Variants in POLRMT observed in about 807,000 individuals in gnomAD.
POLRMT encodes RNA polymerase mitochondrial.
POLRMT carries 114 observed loss-of-function variants against 132.2 expected under a neutral mutation model. That is an observed-to-expected ratio of 0.86 (90% CI 0.74 to 1.01). The LOEUF is 1.01. Ranked by LOEUF, POLRMT falls within the 50% of genes least tolerant of loss-of-function variation. The probability of loss-of-function intolerance (pLI) is 0.00; values close to 1 mark genes in which losing one functional copy is unlikely to be tolerated. For synonymous variants in POLRMT, 1,020 were observed against 773.4 expected (o/e 1.32, Z -5.29); for missense variants, 2,003 against 1,729.1 (o/e 1.16, Z -2.81).
In POLRMT at chr19:621,996, G is replaced by C. The variant is rs1600571382; in HGVS notation, c.1852-150C>G. ...CAGAAGCCACCTCCAGAAACGGCCG[G>C]ACACCTGCATGGACACCCATGGTGT... On this transcript the variant is annotated intron_variant, in intron 9 of 20. Coordinates refer to ENST00000588649, the MANE Select transcript of POLRMT (RefSeq NM_005035.4). 3 of 1,183,810 alleles carry C rather than the reference G, an allele frequency of 2.5e-6. No homozygotes were observed. In the East Asian group the frequency reaches 7.7e-5, roughly 30 times the overall value. The allele number at this position is 1,183,810 out of a possible 1,614,324, so 73.3% of individuals were successfully genotyped here.
At position 621,233 on chromosome 19, in the gene POLRMT, C is replaced by T. The variant is rs748877796; in HGVS notation, c.2465G>A (p.Arg822Gln). Residue 822 changes from arginine (R) to glutamine (Q), a missense_variant, in exon 10 of 21, where the codon CGG becomes CAG. Physicochemically the swap from Arg to Gln is conservative, Grantham distance 43. Coordinates refer to ENST00000588649, the MANE Select transcript of POLRMT (RefSeq NM_005035.4). ...HFNHLGSDVA[R>Q]ALLEFAQGRP... Reference sequence around the variant, plus strand: ...GCCCTGGGCGAACTCCAGCAGGGCCCGCGCCACGTCGCTGCCCAGGTGGTT... The same window carrying T: ...GCCCTGGGCGAACTCCAGCAGGGCCTGCGCCACGTCGCTGCCCAGGTGGTT... 2.2e-5 allele frequency: 36 copies of T among 1,608,774 alleles called. No homozygotes were observed. The highest frequency in any genetic ancestry group is 6.7e-5 in the East Asian group (3 of 44,716).
At chr19:627,344 G>A (rs1008355334) in intron 3 of POLRMT, among the ~76,000 whole-genome samples, 4 of 151,472 alleles carry the variant, frequency 2.6e-5, no homozygotes, top group East Asian at 2.0e-4. Context: ...TAGTAGAGAC[G>A]GGGTTTCACT....
At chr19:628,492 AAAG>A (rs1985181023) in intron 3 of POLRMT, among the ~76,000 whole-genome samples, 1 of 152,218 alleles carries the variant, frequency 6.6e-6, no homozygotes, top group Non-Finnish European at 1.5e-5. Flanking sequence ...ATGCGTTAAT[AAAG>A]AAGCACATCA....
Position 623,543 on chromosome 19 carries a change from C to G in POLRMT, c.1201G>C (p.Glu401Gln). 1 of 1,613,718 alleles carries G rather than the reference C, an allele frequency of 6.2e-7. No homozygotes were observed. Among genetic ancestry groups the G allele is most frequent in the East Asian group, 2.2e-5 (1 of 44,874 alleles). ...GCCAGCTCCATGTGGAGCTGCTTCT[C>G]AAAGAGGCACTGCAGGGTCTTCAAG... ...LPLKTLQCLF[E>Q]KQLHMELASR... The change falls in exon 6 of 21, where the codon GAG becomes CAG. Residue 401 changes from glutamate to glutamine, a missense_variant. Glu to Gln is a conservative substitution (Grantham distance 29). Transcript: ENST00000588649.
intron 3 of POLRMT, among the ~76,000 whole-genome samples, chr19:626,116 T>C (rs1984999366): frequency 6.6e-6 from 1 of 152,102 alleles, no homozygotes; most frequent in South Asian, 2.1e-4. Flanking sequence ...CTCCAAGTGT[T>C]TTCGAACTTC....
At chr19:626,738 G>A (rs1210043780) in intron 3 of POLRMT, among the ~76,000 whole-genome samples, 1 of 147,094 alleles carries the variant, frequency 6.8e-6, no homozygotes, top group Admixed American at 6.7e-5. Flanking sequence ...GCACATGCCT[G>A]TAATCTCAGC....
At position 622,644 on chromosome 19, in the gene POLRMT, G is replaced by A; in HGVS notation, c.1564C>T (p.Gln522Ter). The change falls in exon 8 of 21, where the codon CAG becomes TAG. Residue 522 changes from glutamine (Q) to a stop codon, truncating the protein, a stop_gained. Coordinates refer to ENST00000588649, the MANE Select transcript of POLRMT (RefSeq NM_005035.4). LOFTEE classifies it high-confidence loss of function. ...HVVQRQRVSG[Q>*]VQALQNHYRK... ...TAGTGGTTCTGCAGCGCCTGCACCT[G>A]GCCACTGACCCGCTGCCTCTGCACC... The A allele has an allele frequency of 6.2e-7, 1 of 1,607,416 alleles. No homozygotes were observed.
At chr19:619,447 C>T (rs1186879663) in intron 13 of POLRMT, 139 bp downstream of exon 13, 9 of 1,372,576 alleles carry the variant, frequency 6.6e-6, no homozygotes, top group African/African-American at 5.8e-5. Flanking sequence ...CAGCAAGAAA[C>T]GCCCAAGCCC....
rs753607400 is a variant in POLRMT, at chr19:621,319, G to A, written c.2379C>T (p.Val793=). The change falls in exon 10 of 21, where the codon GTC becomes GTT. Residue 793 remains valine (V), a synonymous_variant. Transcript: ENST00000588649. Reference sequence around the variant, plus strand: ...AGTCCATGTTGTGCGGCAGCCAGAAGACGCGGTCCCGCAGGTGCTGCGCCA... The same window carrying A: ...AGTCCATGTTGTGCGGCAGCCAGAAAACGCGGTCCCGCAGGTGCTGCGCCA... The part of the protein sequence containing the change: ...LSLAQHLRDR[V]FWLPHNMDFR... 6.9e-6 allele frequency: 11 copies of A among 1,596,540 alleles called. No individual in the cohort carries two copies. The highest frequency in any genetic ancestry group is 3.3e-5 in the South Asian group (3 of 90,406).
rs866271163 is a variant in POLRMT, at chr19:631,340, G to A, written c.194-1172C>T. Among the ~76,000 whole-genome samples, 264 of 145,002 alleles carry A rather than the reference G, an allele frequency of 1.8e-3. 2 individuals carry two copies. The highest frequency in any genetic ancestry group is 7.1e-3 in the Middle Eastern group (2 of 282). ...AGGACCCTGTCTCAAAAAAAAAAAG[G>A]GGGGGGGGGACCCAGGTGTCCAGAT... is the stretch of plus-strand genomic sequence containing the variant. On this transcript the variant is annotated intron_variant, in intron 2 of 20. Transcript: ENST00000588649.
At chr19:623,737 A>C (rs1984815639) in intron 5 of POLRMT, 134 bp from the exon 6 acceptor site, 10 of 1,120,966 alleles carry the variant, frequency 8.9e-6, no homozygotes, top group Non-Finnish European at 6.3e-6. Context: ...ACGCGGGGAA[A>C]GGCGGGCTGC....
chr19:630,803 G>T (rs1008518137), intron 2 of POLRMT, among the ~76,000 whole-genome samples: 17 of 152,192 alleles, frequency 1.1e-4, no homozygotes, highest in African/African-American at 3.1e-4. Context: ...GCCTCAGGTT[G>T]CATTTTTGCC....
In POLRMT at chr19:618,577, G is replaced by A. The variant is rs1004799895; in HGVS notation, c.3333C>T (p.Asn1111=). 1.9e-6 allele frequency: 3 copies of A among 1,612,804 alleles called. No individual in the cohort carries two copies. In the Admixed American group the frequency reaches 5.0e-5, roughly 27 times the overall value. Residue 1111 remains asparagine (N), a synonymous_variant, in exon 17 of 21, where the codon AAC becomes AAT. Transcript: ENST00000588649. ...GGAAGCCGTTCTTCTGCTTACGTGT[G>A]TTGGGCTTTCTGAGGACGGAACAGG... ...THNGDISRKP[N]TRKQKNGFPP...
At chr19:626,541 C>T (rs1483503836) in intron 3 of POLRMT, among the ~76,000 whole-genome samples, 1 of 146,046 alleles carries the variant, frequency 6.8e-6, no homozygotes, top group Admixed American at 6.9e-5. Context: ...AACCCCAGCA[C>T]TTTGGGAGGC....
intron 2 of POLRMT, 117 bp downstream of exon 2, chr19:632,717 G>T: frequency 1.2e-6 from 1 of 815,168 alleles, no homozygotes; most frequent in South Asian, 1.8e-5. Flanking sequence ...GGCGTGTCCT[G>T]GGACCCGAGA....
chr19:617,730 T>TG, intron 18 of POLRMT, 47 bp downstream of exon 18: 1 of 1,611,198 alleles, frequency 6.2e-7, no homozygotes, highest in Non-Finnish European at 8.5e-7. Context: ...CGCCCCAGTG[T>TG]GGGGGCCCCA....
In POLRMT at chr19:621,684, G is replaced by C. The variant is rs754938918; in HGVS notation, c.2014C>G (p.Arg672Gly). 1.9e-6 allele frequency: 3 copies of C among 1,574,566 alleles called. No individual in the cohort carries two copies. Among genetic ancestry groups the C allele is most frequent in the East Asian group, 2.3e-5 (1 of 43,928 alleles). Residue 672 changes from arginine to glycine, a missense_variant, in exon 10 of 21, where the codon CGC becomes GGC. Arg to Gly is a moderately radical substitution (Grantham distance 125). Transcript: ENST00000588649. ...TGCTGCGTGGCGCCTTCCACCGTGC[G>C]CATCAGCTTGGTGGGGCTGAGCAGG... ...AFLLSPTKLM[R>G]TVEGATQHQE... is the part of the protein sequence containing the mutation.
At chr19:620,694 C>A (rs565291084) in intron 10 of POLRMT, among the ~76,000 whole-genome samples, 1 of 143,840 alleles carries the variant, frequency 7.0e-6, no homozygotes, top group Non-Finnish European at 1.5e-5. Flanking sequence ...GTGGACCGGG[C>A]TGAAACAAGC....
rs572155858 is a variant in POLRMT, at chr19:622,977, G to C, written c.1299C>G (p.Thr433=). The change falls in exon 7 of 21, where the codon ACC becomes ACG. Residue 433 remains threonine, a synonymous_variant. Transcript: ENST00000588649. ...CCCATTGGTCCCGCAGGGTCTTCAG[G>C]GTCTTCCGCTGCGGGGGATGAACGG... ...PSKEVKHARK[T]LKTLRDQWEK... 1 of 1,612,534 alleles carries C rather than the reference G, an allele frequency of 6.2e-7. No homozygotes were observed. Among genetic ancestry groups the C allele is most frequent in the East Asian group, 2.2e-5 (1 of 44,872 alleles).
Sources: gnomAD v4.1 joint callset for allele counts (sites outside exome capture counted in the v4.1 genomes callset) on GRCh38, gnomAD v4.1.1 for gene constraint, MANE v1.5 for transcripts, NCBI Gene and HGNC (gene_info 2026-07-23, HGNC 2026-07-21) for gene names.